Variants in URI1 observed in about 807,000 individuals in gnomAD.
The protein encoded by URI1 is URI1 prefoldin like chaperone.
In URI1, 39 loss-of-function variants were observed where a neutral mutation model predicts 60.2. The observed-to-expected ratio is 0.65, with a 90% confidence interval of 0.50 to 0.85. URI1 has a LOEUF of 0.85. Ranked by LOEUF, URI1 falls within the 40% of genes least tolerant of loss-of-function variation. The pLI is 0.00. For missense variants in URI1, 691 were observed against 665.9 expected (o/e 1.04, Z -0.42); for synonymous variants, 251 against 236.8 (o/e 1.06, Z -0.55).
chr19:29,951,408 G>GCGC (rs1162006083), intron 1 of URI1, among the ~76,000 whole-genome samples: 13 of 150,540 alleles, frequency 8.6e-5, no homozygotes, highest in African/African-American at 3.2e-4. Context: ...AAGAACTCTA[G>GCGC]CACCCCCCCC....
At chr19:29,963,197 T>C (rs1232016269) in intron 1 of URI1, among the ~76,000 whole-genome samples, 4 of 152,202 alleles carry the variant, frequency 2.6e-5, no homozygotes, top group Non-Finnish European at 5.9e-5. Context: ...TCAAGATCTT[T>C]TCAATATTGC....
intron 4 of URI1, among the ~76,000 whole-genome samples, chr19:29,996,411 A>C (rs570198948): frequency 1.8e-4 from 27 of 151,778 alleles, no homozygotes; most frequent in African/African-American, 6.3e-4. Flanking sequence ...AATGCAGTTG[A>C]TTTTTGTGTG....
At chr19:29,933,545 G>T (rs1411503794) in intron 1 of URI1, among the ~76,000 whole-genome samples, 1 of 151,870 alleles carries the variant, frequency 6.6e-6, no homozygotes, top group African/African-American at 2.4e-5. Context: ...TTTTCACTGG[G>T]TGTGGTGGCT....
At chr19:30,004,823 A>G (rs528634442) in intron 4 of URI1, among the ~76,000 whole-genome samples, 46 of 152,120 alleles carry the variant, frequency 3.0e-4, no homozygotes, top group African/African-American at 9.9e-4. Flanking sequence ...AGAGGGTGGT[A>G]TTTAGGAGAT....
At chr19:29,961,055 C>G (rs1474337805) in intron 1 of URI1, among the ~76,000 whole-genome samples, 1 of 151,646 alleles carries the variant, frequency 6.6e-6, no homozygotes, top group Non-Finnish European at 1.5e-5. Context: ...TAGACAGGGA[C>G]TCACTATGTT....
rs975636758 is a variant in URI1, at chr19:29,951,197, T to A, written c.117+8533T>A. On this transcript the variant is annotated intron_variant, in intron 1 of 10. Coordinates refer to ENST00000392271, the MANE Select transcript of URI1 (RefSeq NM_003796.3). ...TGTCATTTTTGTCCCATTATTAGTG[T>A]TGCTAACCACTTGTTTAAGATGTCA... Among the ~76,000 whole-genome samples the A allele has an allele frequency of 1.2e-3, 188 of 152,310 alleles. 1 individual carries two copies. Among genetic ancestry groups the A allele is most frequent in the Non-Finnish European group, 1.9e-3 (127 of 68,028 alleles).
At chr19:30,009,783 GA>G (rs1026072974) in intron 8 of URI1, among the ~76,000 whole-genome samples, 2 of 152,164 alleles carry the variant, frequency 1.3e-5, no homozygotes, top group Admixed American at 6.5e-5. Flanking sequence ...GGCACAAAGG[GA>G]AAATGTAGGA....
intron 4 of URI1, among the ~76,000 whole-genome samples, chr19:29,997,139 A>C (rs2055822293): frequency 6.6e-6 from 1 of 152,048 alleles, no homozygotes; most frequent in Non-Finnish European, 1.5e-5. Context: ...GTTTGAGAGG[A>C]TTGGTGTTAA....
chr19:29,992,475 T>C (rs2055759015), intron 4 of URI1, among the ~76,000 whole-genome samples: 1 of 152,246 alleles, frequency 6.6e-6, no homozygotes, highest in South Asian at 2.1e-4. Context: ...TAATGTAATA[T>C]GTTTGGATTC....
intron 2 of URI1, among the ~76,000 whole-genome samples, chr19:29,973,754 A>T (rs958726275): frequency 6.6e-6 from 1 of 152,164 alleles, no homozygotes; most frequent in Admixed American, 6.5e-5. Context: ...TGAACGAAGA[A>T]ATTTATAATA....
At chr19:30,005,170 T>C (rs1432780486) in intron 4 of URI1, among the ~76,000 whole-genome samples, 191 bp from the exon 5 acceptor site, 1 of 152,062 alleles carries the variant, frequency 6.6e-6, no homozygotes, top group African/African-American at 2.4e-5. Context: ...AACAAAGTAA[T>C]GTGCTATATA....
intron 4 of URI1, among the ~76,000 whole-genome samples, chr19:29,999,225 T>C (rs904193776): frequency 3.9e-5 from 6 of 152,110 alleles, no homozygotes; most frequent in Admixed American, 6.6e-5. Flanking sequence ...CAAACCAAAA[T>C]GACAGTAATA....
At chr19:29,999,455 T>C (rs977827234) in intron 4 of URI1, among the ~76,000 whole-genome samples, 1 of 152,124 alleles carries the variant, frequency 6.6e-6, no homozygotes, top group African/African-American at 2.4e-5. Flanking sequence ...AATTCTTGGA[T>C]GAAGTATTTT....
chr19:29,950,716 C>T (rs1390858834), intron 1 of URI1, among the ~76,000 whole-genome samples: 1 of 152,160 alleles, frequency 6.6e-6, no homozygotes, highest in Non-Finnish European at 1.5e-5. Flanking sequence ...TTGACATGTA[C>T]CATATTCACA....
upstream of URI1, among the ~76,000 whole-genome samples, chr19:29,939,263 C>T (rs2055000420): frequency 6.6e-6 from 1 of 151,538 alleles, no homozygotes; most frequent in African/African-American, 2.4e-5. Flanking sequence ...AGGCGTGAGC[C>T]ACTGCGCCTT....
rs1247736950 is a variant in URI1, at chr19:30,016,575, A to G, written c.*1506A>G. Reference sequence around the variant, plus strand: ...GTGTTCTTAACAGATTTGTAATTTCAAGATGCGTGTCATTAAATAATTTTT... The same window carrying G: ...GTGTTCTTAACAGATTTGTAATTTCGAGATGCGTGTCATTAAATAATTTTT... On this transcript the variant is annotated 3_prime_UTR_variant, in exon 11 of 11. Coordinates refer to ENST00000392271, the MANE Select transcript of URI1 (RefSeq NM_003796.3). The G allele has an allele frequency of 6.6e-6, 1 of 152,158 alleles. No homozygotes were observed. Among genetic ancestry groups the G allele is most frequent in the Non-Finnish European group, 1.5e-5 (1 of 67,980 alleles). The allele number at this position is 152,158 out of a possible 1,614,324, so 9.4% of individuals were successfully genotyped here. A position where few individuals can be genotyped will look rare whatever the true frequency, so the allele number is the denominator to read the frequency against.
chr19:29,980,596 A>T (rs934439991), intron 2 of URI1, among the ~76,000 whole-genome samples: 1 of 135,334 alleles, frequency 7.4e-6, no homozygotes, highest in Non-Finnish European at 1.5e-5. Context: ...AGAGAGTGAT[A>T]GAAGATTTTT....
intron 1 of URI1, 70 bp downstream of exon 1, chr19:29,942,734 GC>G: frequency 7.7e-7 from 1 of 1,293,608 alleles, no homozygotes; most frequent in Non-Finnish European, 9.8e-7. Context: ...CTGGGCCGCC[GC>G]CCCGCGTGGC....
At chr19:29,947,789 A>G (rs557192387) in intron 1 of URI1, among the ~76,000 whole-genome samples, 2 of 152,304 alleles carry the variant, frequency 1.3e-5, no homozygotes, top group Admixed American at 6.5e-5. Context: ...ATCAACAGAC[A>G]TTTTTAATTT....
Sources: gnomAD v4.1 joint callset for allele counts (sites outside exome capture counted in the v4.1 genomes callset) on GRCh38, gnomAD v4.1.1 for gene constraint, MANE v1.5 for transcripts, NCBI Gene and HGNC (gene_info 2026-07-23, HGNC 2026-07-21) for gene names.